AMER2: variants seen among roughly 807,000 people sequenced by gnomAD.
AMER2 encodes APC membrane recruitment protein 2, also known as family with sequence similarity 123A.
In AMER2, 1 loss-of-function variant was observed where a neutral mutation model predicts 4.7. The observed-to-expected ratio is 0.21, with a 90% CI of 0.07 to 1.00. The LOEUF is 1.00. AMER2 is among the 50% of genes least tolerant of loss of function. The pLI is 0.60. For synonymous variants in AMER2, 485 were observed against 433.3 expected (o/e 1.12, Z -1.48); for missense variants, 988 against 966.9 (o/e 1.02, Z -0.29).
Position 25,171,267 on chromosome 13 carries a change from C to A in AMER2, c.353G>T (p.Gly118Val). The change falls in exon 1 of 1, where the codon GGC becomes GTC. Residue 118 changes from glycine to valine, a missense_variant. Physicochemically the swap from Gly to Val is moderately radical, Grantham distance 109. Transcript: ENST00000515384. The surrounding 1 kb of genome is among the most constrained non-coding windows in gnomAD (Gnocchi z 5.9). ...GLAEVLVLES[G>V]RKEEPRGGGD... ...CCCGCCGCGCGGCTCCTCCTTCCTG[C>A]CGCTCTCCAGCACCAGCACCTCGGC... 6.6e-7 allele frequency: 1 copy of A among 1,508,956 alleles called. No homozygotes were observed. The highest frequency in any genetic ancestry group is 8.8e-7 in the Non-Finnish European group (1 of 1,131,374). 93.5% of individuals were successfully genotyped at this position (1,508,956 alleles called of 1,614,324 possible).
In AMER2 at chr13:25,167,991, C is replaced by A. The variant is rs572754156; in HGVS notation, c.*1613G>T. 6.6e-6 allele frequency: 1 copy of A among 152,112 alleles called. No individual in the cohort carries two copies. The highest frequency in any genetic ancestry group is 1.5e-5 in the Non-Finnish European group (1 of 68,002). 9.4% of individuals were successfully genotyped at this position (152,112 alleles called of 1,614,324 possible). A position where few individuals can be genotyped will look rare whatever the true frequency, so the allele number is the denominator to read the frequency against. ...TGTCATTTACATATGTGCAGTTTCA[C>A]GTGAATATGCATAATCTTCCTGGTA... On this transcript the variant is annotated 3_prime_UTR_variant, in exon 1 of 1. Coordinates refer to ENST00000515384, the MANE Select transcript of AMER2 (RefSeq NM_152704.4).
Position 25,163,327 on chromosome 13 carries a change from C to T in AMER2, c.*6277G>A, listed in dbSNP as rs2137428893. The T allele has an allele frequency of 6.6e-6, 1 of 152,198 alleles. No homozygotes were observed. Among genetic ancestry groups the T allele is most frequent in the Admixed American group, 6.5e-5 (1 of 15,278 alleles). 9.4% of individuals were successfully genotyped at this position (152,198 alleles called of 1,614,324 possible). A position where few individuals can be genotyped will look rare whatever the true frequency, so the allele number is the denominator to read the frequency against. ...CCATATGAATGACCCAGTCATTCCA[C>T]TTCTGGGTATTTATTCAAAAAAACT... On this transcript the variant is annotated 3_prime_UTR_variant, in exon 1 of 1. Transcript: ENST00000515384.
Position 25,169,677 on chromosome 13 carries a change from C to G in AMER2, c.1943G>C (p.Arg648Thr). The change falls in exon 1 of 1, where the codon AGA becomes ACA. Residue 648 changes from arginine (R) to threonine (T), a missense_variant. By Grantham distance (71) the Arg-to-Thr change is moderately conservative (BLOSUM62 -1). Coordinates refer to ENST00000515384, the MANE Select transcript of AMER2 (RefSeq NM_152704.4). This position sits in a 1 kb window ranked among gnomAD's most constrained non-coding sequence, Gnocchi z 4.2. Reference protein sequence around the residue: ...KIPVSKVLVRRVSNRGLAGTT... With the variant: ...KIPVSKVLVRTVSNRGLAGTT... ...CCCAGCCAAGCCCCGGTTGCTGACTCTGCGGACCAGCACTTTGGAAACCGG... is the reference window on the plus strand; with the variant it reads ...CCCAGCCAAGCCCCGGTTGCTGACTGTGCGGACCAGCACTTTGGAAACCGG... 6.2e-7 allele frequency: 1 copy of G among 1,613,940 alleles called. No homozygotes were observed. The highest frequency in any genetic ancestry group is 8.5e-7 in the Non-Finnish European group (1 of 1,179,898).
Position 25,170,585 on chromosome 13 carries a change from G to A in AMER2, c.1035C>T (p.Ala345=), listed in dbSNP as rs1386386224. ...SEGGSGRAPA[A]PDPASVDPPS... The stretch of plus-strand genomic sequence containing the variant: ...GTGGATCGACAGAGGCAGGGTCTGG[G>A]GCGGCGGGCGCCCGGCCGCTGCCGC... The change falls in exon 1 of 1, where the codon GCC becomes GCT. Residue 345 remains alanine (A), a synonymous_variant. Transcript: ENST00000515384. This position sits in a 1 kb window ranked among gnomAD's most constrained non-coding sequence, Gnocchi z 7.3. The A allele has an allele frequency of 3.7e-6, 6 of 1,600,102 alleles. No homozygotes were observed. The highest frequency in any genetic ancestry group is 5.1e-6 in the Non-Finnish European group (6 of 1,172,916).
In AMER2 at chr13:25,170,752, G is replaced by C; in HGVS notation, c.868C>G (p.Pro290Ala). Reference sequence around the variant, plus strand: ...TCTCCCCGGGCGCCGGTGTCGCCGGGGTGCGCGAGGCCCTCTGCCTCTCGG... The same window carrying C: ...TCTCCCCGGGCGCCGGTGTCGCCGGCGTGCGCGAGGCCCTCTGCCTCTCGG... ...SCREAEGLAH[P>A]GDTGARGEDA... Residue 290 changes from proline (P) to alanine (A), a missense_variant, in exon 1 of 1, where the codon CCC (proline) becomes GCC (alanine). Coordinates refer to ENST00000515384, the MANE Select transcript of AMER2 (RefSeq NM_152704.4). This position sits in a 1 kb window ranked among gnomAD's most constrained non-coding sequence, Gnocchi z 7.3. The C allele has an allele frequency of 7.2e-7, 1 of 1,398,336 alleles. No individual in the cohort carries two copies. Among genetic ancestry groups the C allele is most frequent in the Non-Finnish European group, 9.2e-7 (1 of 1,086,314 alleles). 86.6% of individuals were successfully genotyped at this position (1,398,336 alleles called of 1,614,324 possible). A position where few individuals can be genotyped will look rare whatever the true frequency, so the allele number is the denominator to read the frequency against.
rs3622 is a variant in AMER2, at chr13:25,168,751, A to G, written c.*853T>C. 0.11 allele frequency: 17,194 copies of G among 152,656 alleles called. 1,485 individuals are homozygous for G. Among genetic ancestry groups the G allele is most frequent in the East Asian group, 0.29 (1,486 of 5,190 alleles). The allele number at this position is 152,656 out of a possible 1,614,324, so 9.5% of individuals were successfully genotyped here. On this transcript the variant is annotated 3_prime_UTR_variant, in exon 1 of 1. Transcript: ENST00000515384. ...TAAAATATGCATTATCTTCACATGAAAAGGTTTCAGTTTATAAATGCTTAA... is the reference window on the plus strand; with the variant it reads ...TAAAATATGCATTATCTTCACATGAGAAGGTTTCAGTTTATAAATGCTTAA...
chr13:25,170,633 C>T lies in AMER2; in HGVS notation c.987G>A (p.Thr329=), dbSNP rs537405504. 1.9e-4 allele frequency: 295 copies of T among 1,559,354 alleles called. 1 individual carries two copies. Among genetic ancestry groups the T allele is most frequent in the Non-Finnish European group, 2.2e-4 (256 of 1,151,338 alleles). ...ASRTGAVPVK[T]VPLVDSEGGS... ...CGCCTTCGGAGTCGACAAGGGGGAC[C>T]GTCTTTACGGGAACGGCCCCCGTCC... is the stretch of plus-strand genomic sequence containing the variant. The change falls in exon 1 of 1, where the codon ACG becomes ACA. Residue 329 remains threonine, a synonymous_variant. Coordinates refer to ENST00000515384, the MANE Select transcript of AMER2 (RefSeq NM_152704.4). This position sits in a 1 kb window ranked among gnomAD's most constrained non-coding sequence, Gnocchi z 7.3.
Position 25,171,565 on chromosome 13 carries a change from C to A in AMER2, c.55G>T (p.Ala19Ser). Residue 19 changes from alanine (A) to serine (S), a missense_variant, in exon 1 of 1, where the codon GCT (alanine) becomes TCT (serine). Coordinates refer to ENST00000515384, the MANE Select transcript of AMER2 (RefSeq NM_152704.4). The surrounding 1 kb of genome is among the most constrained non-coding windows in gnomAD (Gnocchi z 5.9). ...CTGCAGACCCCCACGGACGCGCCAG[C>A]TCCGCCGCGCTCGCTGACAGCCCCG... ...GGGAVSERGG[A>S]GASVGVCRRK... 6.5e-7 allele frequency: 1 copy of A among 1,546,374 alleles called. No individual in the cohort carries two copies. The highest frequency in any genetic ancestry group is 8.6e-7 in the Non-Finnish European group (1 of 1,158,226).
At position 25,169,823 on chromosome 13, in the gene AMER2, T is replaced by G; in HGVS notation, c.1797A>C (p.Pro599=). 6.2e-7 allele frequency: 1 copy of G among 1,614,076 alleles called. No homozygotes were observed. The highest frequency in any genetic ancestry group is 2.2e-5 in the East Asian group (1 of 44,878). ...PGTITCPLRT[P]GSLLKDSKIP... The stretch of plus-strand genomic sequence containing the variant: ...TCTTAGAGTCCTTCAGCAAGCTGCC[T>G]GGTGTTCGCAGTGGACAGGTGATGG... Residue 599 remains proline (P), a synonymous_variant, in exon 1 of 1, where the codon CCA becomes CCC. Coordinates refer to ENST00000515384, the MANE Select transcript of AMER2 (RefSeq NM_152704.4). This position sits in a 1 kb window ranked among gnomAD's most constrained non-coding sequence, Gnocchi z 4.2.
At position 25,170,357 on chromosome 13, in the gene AMER2, G is replaced by A. The variant is rs770971590; in HGVS notation, c.1263C>T (p.Gly421=). 7 of 1,613,896 alleles carry A rather than the reference G, an allele frequency of 4.3e-6. No homozygotes were observed. The South Asian group carries it at 5.5e-5, about 13-fold the overall frequency. The part of the protein sequence containing the change: ...KNPGVVAYQG[G]GEEMASPDEV... ...CGTCCGGGCTGGCCATCTCTTCCCC[G>A]CCTCCTTGGTAGGCCACCACGCCGG... The change falls in exon 1 of 1, where the codon GGC becomes GGT. Residue 421 remains glycine, a synonymous_variant. Coordinates refer to ENST00000515384, the MANE Select transcript of AMER2 (RefSeq NM_152704.4). This position sits in a 1 kb window ranked among gnomAD's most constrained non-coding sequence, Gnocchi z 7.3.
Position 25,169,934 on chromosome 13 carries a change from C to T in AMER2, c.1686G>A (p.Pro562=), listed in dbSNP as rs137997477. 8,811 of 1,614,138 alleles carry T rather than the reference C, an allele frequency of 5.5e-3. 73 individuals carry two copies. Among genetic ancestry groups the T allele is most frequent in the Non-Finnish European group, 4.6e-3 (5,447 of 1,180,014 alleles). ...GDALYDLYAD[P]DGSPATLPGG... is the part of the protein sequence containing the mutation. ...CAGGAAGGGTTGCTGGACTTCCGTCCGGGTCAGCATAGAGATCATAGAGCG... is the reference window on the plus strand; with the variant it reads ...CAGGAAGGGTTGCTGGACTTCCGTCTGGGTCAGCATAGAGATCATAGAGCG... Residue 562 remains proline (P), a synonymous_variant, in exon 1 of 1, where the codon CCG becomes CCA. Transcript: ENST00000515384. The surrounding 1 kb of genome is among the most constrained non-coding windows in gnomAD (Gnocchi z 4.2).
Position 25,171,228 on chromosome 13 carries a change from C to A in AMER2, c.392G>T (p.Gly131Val). Residue 131 changes from glycine to valine, a missense_variant, in exon 1 of 1, where the codon GGG becomes GTG. By Grantham distance (109) the Gly-to-Val change is moderately radical. Coordinates refer to ENST00000515384, the MANE Select transcript of AMER2 (RefSeq NM_152704.4). This position sits in a 1 kb window ranked among gnomAD's most constrained non-coding sequence, Gnocchi z 5.9. The stretch of plus-strand genomic sequence containing the variant: ...CGGGTTCGGCCGCCCCCCGCCGCCC[C>A]CGCCGCTGTCGCCCCCGCCGCGCGG... ...EEPRGGGDSG[G>V]GGGGRPNPGP... 1 of 1,382,618 alleles carries A rather than the reference C, an allele frequency of 7.2e-7. No homozygotes were observed. Among genetic ancestry groups the A allele is most frequent in the African/African-American group, 1.5e-5 (1 of 65,852 alleles). 85.6% of individuals were successfully genotyped at this position (1,382,618 alleles called of 1,614,324 possible).
rs1956443340 is a variant in AMER2, at chr13:25,163,961, C to CT, written c.*5642_*5643insA. On this transcript the variant is annotated 3_prime_UTR_variant, in exon 1 of 1. Coordinates refer to ENST00000515384, the MANE Select transcript of AMER2 (RefSeq NM_152704.4). ...TCTCTACTAAAAATACAAAAACTAA[C>CT]GGGCATGGTGGTGCACGCCTGTAGT... 1 of 151,748 alleles carries CT rather than the reference C, an allele frequency of 6.6e-6. No homozygotes were observed. The highest frequency in any genetic ancestry group is 1.5e-5 in the Non-Finnish European group (1 of 68,086). The allele number at this position is 151,748 out of a possible 1,614,324, so 9.4% of individuals were successfully genotyped here.
Position 25,166,370 on chromosome 13 carries a change from T to C in AMER2, c.*3234A>G, listed in dbSNP as rs1354991699. 1 of 152,228 alleles carries C rather than the reference T, an allele frequency of 6.6e-6. No individual in the cohort carries two copies. Among genetic ancestry groups the C allele is most frequent in the Admixed American group, 6.5e-5 (1 of 15,282 alleles). The allele number at this position is 152,228 out of a possible 1,614,324, so 9.4% of individuals were successfully genotyped here. The stretch of plus-strand genomic sequence containing the variant: ...TATTTACTCTTGTGATTATTTAAAA[T>C]GCTGTAGTAAAATTTCTCCCAATTG... On this transcript the variant is annotated 3_prime_UTR_variant, in exon 1 of 1. Coordinates refer to ENST00000515384, the MANE Select transcript of AMER2 (RefSeq NM_152704.4).
chr13:25,171,248 G>T lies in AMER2; in HGVS notation c.372C>A (p.Arg124=). 7.1e-7 allele frequency: 1 copy of T among 1,410,928 alleles called. No individual in the cohort carries two copies. 87.4% of individuals were successfully genotyped at this position (1,410,928 alleles called of 1,614,324 possible). A position where few individuals can be genotyped will look rare whatever the true frequency, so the allele number is the denominator to read the frequency against. ...CGCCCCCGCCGCTGTCGCCCCCGCC[G>T]CGCGGCTCCTCCTTCCTGCCGCTCT... ...VLESGRKEEP[R]GGGDSGGGGG... Residue 124 remains arginine, a synonymous_variant, in exon 1 of 1, where the codon CGC becomes CGA. Coordinates refer to ENST00000515384, the MANE Select transcript of AMER2 (RefSeq NM_152704.4). This position sits in a 1 kb window ranked among gnomAD's most constrained non-coding sequence, Gnocchi z 5.9.
Position 25,169,915 on chromosome 13 carries a change from G to C in AMER2, c.1705C>G (p.Leu569Val), listed in dbSNP as rs149277757. 1.2e-6 allele frequency: 2 copies of C among 1,614,064 alleles called. No homozygotes were observed. Among genetic ancestry groups the C allele is most frequent in the Non-Finnish European group, 1.7e-6 (2 of 1,180,032 alleles). The change falls in exon 1 of 1, where the codon CTT (leucine) becomes GTT (valine). Residue 569 changes from leucine (L) to valine (V), a missense_variant. Leu to Val is a conservative substitution (Grantham distance 32). Transcript: ENST00000515384. The surrounding 1 kb of genome is among the most constrained non-coding windows in gnomAD (Gnocchi z 4.2). ...YADPDGSPAT[L>V]PGGKDNEETS... is the part of the protein sequence containing the mutation. ...TCCTCGTTGTCCTTCCCTCCAGGAA[G>C]GGTTGCTGGACTTCCGTCCGGGTCA... is the stretch of plus-strand genomic sequence containing the variant.
In AMER2 at chr13:25,170,078, C is replaced by T. The variant is rs1350272174; in HGVS notation, c.1542G>A (p.Gln514=). The change falls in exon 1 of 1, where the codon CAG becomes CAA. Residue 514 remains glutamine, a synonymous_variant. Coordinates refer to ENST00000515384, the MANE Select transcript of AMER2 (RefSeq NM_152704.4). This position sits in a 1 kb window ranked among gnomAD's most constrained non-coding sequence, Gnocchi z 7.3. ...EEPKHPEKEQ[Q]EGVPNSDEGY... is the part of the protein sequence containing the mutation. ...CCTCGTCGCTGTTGGGGACGCCTTC[C>T]TGCTGCTCCTTCTCCGGGTGCTTGG... 2 of 1,614,058 alleles carry T rather than the reference C, an allele frequency of 1.2e-6. No homozygotes were observed. The highest frequency in any genetic ancestry group is 1.1e-5 in the South Asian group (1 of 91,080).
chr13:25,171,850 C>T lies in AMER2; in HGVS notation c.-231G>A. On this transcript the variant is annotated 5_prime_UTR_variant, in exon 1 of 1. Transcript: ENST00000515384. The surrounding 1 kb of genome is among the most constrained non-coding windows in gnomAD (Gnocchi z 5.9). ...GTGGCAGGAGCAGGCAACACAGCCG[C>T]GAGCTGATTGCAGAAATTCGAGTCG... 1.4e-6 allele frequency: 1 copy of T among 734,212 alleles called. No individual in the cohort carries two copies. The highest frequency in any genetic ancestry group is 1.9e-6 in the Non-Finnish European group (1 of 525,666). 45.5% of individuals were successfully genotyped at this position (734,212 alleles called of 1,614,324 possible).
In AMER2 at chr13:25,170,845, G is replaced by T. The variant is rs762167640; in HGVS notation, c.775C>A (p.Pro259Thr). The change falls in exon 1 of 1, where the codon CCA (proline) becomes ACA (threonine). Residue 259 changes from proline to threonine, a missense_variant. Coordinates refer to ENST00000515384, the MANE Select transcript of AMER2 (RefSeq NM_152704.4). The surrounding 1 kb of genome is among the most constrained non-coding windows in gnomAD (Gnocchi z 7.3). ...TCTCCCCCTGCGGGCTCACCTGCTG[G>T]GTCTCGCGGGGCGTCCTGGCTGGGC... ...EEPSQDAPRD[P>T]AGEPAGGEEV... The T allele has an allele frequency of 1.4e-6, 2 of 1,443,884 alleles. No individual in the cohort carries two copies. Among genetic ancestry groups the T allele is most frequent in the African/African-American group, 1.5e-5 (1 of 67,990 alleles). 89.4% of individuals were successfully genotyped at this position (1,443,884 alleles called of 1,614,324 possible).
Sources: gnomAD v4.1 joint callset for allele counts on GRCh38, gnomAD v4.1.1 for gene constraint, Gnocchi (gnomAD v3.1) non-coding constraint, MANE v1.5 for transcripts, NCBI Gene and HGNC (gene_info 2026-07-23, HGNC 2026-07-21) for gene names.